BIN1: variants seen among roughly 807,000 people sequenced by gnomAD.
The protein encoded by BIN1 is myc box-dependent-interacting protein 1.
In BIN1, 53 loss-of-function variants were observed where a neutral mutation model predicts 82.0. The observed-to-expected ratio is 0.65, with a 90% CI of 0.52 to 0.81. The LOEUF is 0.81. Among genes scored for constraint, BIN1 ranks in the 40% least tolerant of loss-of-function variants. The probability of loss-of-function intolerance (pLI) is 0.00; values close to 1 mark genes in which losing one functional copy is unlikely to be tolerated. For missense variants in BIN1, 642 were observed against 784.4 expected, an observed-to-expected ratio of 0.82 and a Z score of 2.17; for synonymous variants, 302 against 328.0, an observed-to-expected ratio of 0.92 and a Z score of 0.86.
chr2:127,072,836 T>G (rs530191117), intron 2 of BIN1, among the ~76,000 whole-genome samples: 1 of 151,998 alleles, frequency 6.6e-6, no homozygotes, highest in African/African-American at 2.4e-5. Context: ...TGAGGAAGGG[T>G]CCACCTCACT....
chr2:127,079,638 C>A (rs1002155338), intron 1 of BIN1, among the ~76,000 whole-genome samples: 1 of 152,242 alleles, frequency 6.6e-6, no homozygotes, highest in Non-Finnish European at 1.5e-5. Flanking sequence ...GAGCTTTCCT[C>A]ACTGCTATGT....
rs1041741400 is a variant in BIN1 at position 127,090,371 on chromosome 2, G to C, written c.85-13665C>G. ...CCACCCCCGCAGGCAGGCAGCAAGG[G>C]CATGGCCGCGGGGCATCAGTGACAC... is the stretch of plus-strand genomic sequence containing the variant. On this transcript the variant is annotated intron_variant, in intron 1 of 18. Coordinates refer to ENST00000316724, the MANE Select transcript of BIN1 (RefSeq NM_139343.3). This position sits in a 1 kb window ranked among gnomAD's most constrained non-coding sequence, Gnocchi z 6.4. Among the ~76,000 whole-genome samples, 1 of 152,214 alleles carries C rather than the reference G, an allele frequency of 6.6e-6. No homozygotes were observed. Among genetic ancestry groups the C allele is most frequent in the Non-Finnish European group, 1.5e-5 (1 of 68,040 alleles).
intron 1 of BIN1, among the ~76,000 whole-genome samples, chr2:127,094,655 A>C (rs962802968): frequency 2.6e-5 from 4 of 152,232 alleles, no homozygotes; most frequent in African/African-American, 9.6e-5. Flanking sequence ...CTCGCAGTGC[A>C]GCAGGCAGGG....
chr2:127,066,692 T>C (rs944868943), intron 7 of BIN1, among the ~76,000 whole-genome samples: 6 of 152,186 alleles, frequency 3.9e-5, no homozygotes, highest in Admixed American at 3.3e-4. Flanking sequence ...ATGGGCACCC[T>C]GACCTCAGGA....
rs73953230 is a variant in BIN1, at chr2:127,076,582, G to A, written c.165+44C>T. On this transcript the variant is annotated intron_variant, in intron 2 of 18. Transcript: ENST00000316724. ...TCGTGCCATTTTTCACCTGGCAGCCGAATTTTCACAAACTCCCTAAGGCCA... is the reference window on the plus strand; with the variant it reads ...TCGTGCCATTTTTCACCTGGCAGCCAAATTTTCACAAACTCCCTAAGGCCA... The A allele has an allele frequency of 1.1e-3, 1,849 of 1,611,894 alleles. 12 individuals carry two copies. The African/African-American group carries it at 0.015, about 13-fold the overall frequency.
chr2:127,053,514 C>A, intron 13 of BIN1, 69 bp from the exon 14 acceptor site: 1 of 1,588,358 alleles, frequency 6.3e-7, no homozygotes, highest in South Asian at 1.1e-5. Flanking sequence ...CAAGCAGTCC[C>A]CAGGGACCCT....
chr2:127,048,454 CA>C lies in BIN1; in HGVS notation c.*71del, dbSNP rs1287047561. On this transcript the variant is annotated 3_prime_UTR_variant, in exon 19 of 19. Transcript: ENST00000316724. ...CAAAAGATGAAAAACGAAAACAAAA[CA>C]AAAAAAAGAACCACACATTTTTCGG... 72 of 1,451,118 alleles carry C rather than the reference CA, an allele frequency of 5.0e-5. No homozygotes were observed. Among genetic ancestry groups the C allele is most frequent in the East Asian group, 1.4e-4 (6 of 44,042 alleles). 89.9% of individuals were successfully genotyped at this position (1,451,118 alleles called of 1,614,324 possible).
chr2:127,069,763 C>T (rs1326783084), intron 5 of BIN1, among the ~76,000 whole-genome samples: 1 of 150,318 alleles, frequency 6.7e-6, no homozygotes, highest in African/African-American at 2.4e-5. Flanking sequence ...CACACACACA[C>T]ACGTGCCGTG....
At position 127,057,748 on chromosome 2, in the gene BIN1, G is replaced by A. The variant is rs1683893637; in HGVS notation, c.1003-147C>T. 2.9e-6 allele frequency: 3 copies of A among 1,047,470 alleles called. No individual in the cohort carries two copies. The highest frequency in any genetic ancestry group is 3.8e-6 in the Non-Finnish European group (3 of 785,986). The allele number at this position is 1,047,470 out of a possible 1,614,324, so 64.9% of individuals were successfully genotyped here. On this transcript the variant is annotated intron_variant, in intron 11 of 18. Transcript: ENST00000316724. This position sits in a 1 kb window ranked among gnomAD's most constrained non-coding sequence, Gnocchi z 5.0. ...CACTGAGCAGGACGCAGCAAATGAA[G>A]AGTCACTGCCCTCCCAGCCCCCCAA...
At chr2:127,073,293 T>C (rs1346860025) in intron 2 of BIN1, among the ~76,000 whole-genome samples, 1 of 152,060 alleles carries the variant, frequency 6.6e-6, no homozygotes, top group Admixed American at 6.5e-5. Flanking sequence ...TCCAGGCCAG[T>C]ACAGAGCAGT....
Position 127,059,016 on chromosome 2 carries a change from A to C in BIN1, c.997T>G (p.Ser333Ala). Reference protein sequence around the residue: ...TPGATLPKSPSQLRKGPPVPP... With the variant: ...TPGATLPKSPAQLRKGPPVPP... The stretch of plus-strand genomic sequence containing the variant: ...TACCAAGACATCACTCCTACCTGAG[A>C]TGGGGACTTGGGGAGGGTGGCCCCG... The change falls in exon 11 of 19, where the codon TCT becomes GCT. Residue 333 changes from serine (S) to alanine (A), a missense_variant. By Grantham distance (99) the Ser-to-Ala change is moderately conservative. Transcript: ENST00000316724. The surrounding 1 kb of genome is among the most constrained non-coding windows in gnomAD (Gnocchi z 6.7). 2 of 1,558,588 alleles carry C rather than the reference A, an allele frequency of 1.3e-6. No homozygotes were observed. The highest frequency in any genetic ancestry group is 1.7e-6 in the Non-Finnish European group (2 of 1,151,018).
intron 10 of BIN1, chr2:127,060,777 C>T (rs919513240): frequency 2.5e-6 from 3 of 1,178,010 alleles, no homozygotes; most frequent in Admixed American, 2.0e-5. Context: ...GTGCCAGAGG[C>T]CTTGCACAGG....
At chr2:127,070,521 G>C in intron 4 of BIN1, 32 bp downstream of exon 4, 2 of 1,610,446 alleles carry the variant, frequency 1.2e-6, no homozygotes, top group Non-Finnish European at 1.7e-6. Context: ...AGGGCCCTCT[G>C]AGAAGGGCAG....
intron 8 of BIN1, 58 bp downstream of exon 8, chr2:127,063,875 C>CTG (rs2105007010): frequency 6.2e-7 from 1 of 1,602,004 alleles, no homozygotes; most frequent in African/African-American, 1.3e-5. Context: ...AGACTGGGCA[C>CTG]CGCAGCACGC....
intron 1 of BIN1, among the ~76,000 whole-genome samples, chr2:127,087,398 C>G (rs1678318336): frequency 6.6e-6 from 1 of 152,234 alleles, no homozygotes; most frequent in African/African-American, 2.4e-5. Context: ...CTCTCTCATC[C>G]CTCCCAGGGT....
intron 1 of BIN1, among the ~76,000 whole-genome samples, chr2:127,105,467 C>CCCTCCCCCTCCT (rs1553490297): frequency 1.1e-4 from 6 of 55,772 alleles, no homozygotes; most frequent in African/African-American, 3.3e-4. Flanking sequence ...GGGCTTTAAT[C>CCCTCCCCCTCCT]CCTCCTCCTC....
chr2:127,053,043 G>A, intron 14 of BIN1: 1 of 330,676 alleles, frequency 3.0e-6, no homozygotes, highest in Non-Finnish European at 5.9e-6. Flanking sequence ...AAAGCTCAGA[G>A]AAGGCAAGAA....
At chr2:127,081,731 C>CATGGTGTGTGGG in intron 1 of BIN1, 1 of 1,208,706 alleles carries the variant, frequency 8.3e-7, no homozygotes, top group Non-Finnish European at 1.1e-6. Flanking sequence ...CAACACCCCA[C>CATGGTGTGTGGG]CCCCACACAC....
At chr2:127,106,744 G>C (rs1217779537) in intron 1 of BIN1, 116 bp downstream of exon 1, 2 of 1,319,848 alleles carry the variant, frequency 1.5e-6, no homozygotes, top group Non-Finnish European at 2.1e-6. Flanking sequence ...CTCTAGAGGT[G>C]ACAGCACCAG....
Sources: gnomAD v4.1 joint callset for allele counts (sites outside exome capture counted in the v4.1 genomes callset) on GRCh38, gnomAD v4.1.1 for gene constraint, Gnocchi (gnomAD v3.1) non-coding constraint, MANE v1.5 for transcripts, NCBI Gene and HGNC (gene_info 2026-07-23, HGNC 2026-07-21) for gene names.